The following ANO10 variants were observed in gnomAD, a reference collection of about 807,000 sequenced individuals.
The protein encoded by ANO10 is anoctamin-10.
A neutral mutation model predicts 74.7 loss-of-function variants in ANO10; 77 were observed. The observed-to-expected ratio is 1.03, with a 90% confidence interval of 0.86 to 1.25. The LOEUF is 1.25. Ranked by LOEUF, ANO10 falls within the 50% of genes most tolerant of loss-of-function variation. The pLI, the probability that ANO10 is intolerant of heterozygous loss-of-function variation, is 0.00. For synonymous variants in ANO10, 279 were observed against 284.9 expected, an observed-to-expected ratio of 0.98 and a Z score of 0.21; for missense variants, 721 against 778.1, an observed-to-expected ratio of 0.93 and a Z score of 0.87.
chr3:43,484,078 G>A (rs1575223774), intron 11 of ANO10, among the ~76,000 whole-genome samples: 1 of 152,112 alleles, frequency 6.6e-6, no homozygotes, highest in Non-Finnish European at 1.5e-5. Context: ...TAGGGCTGCA[G>A]GCACACACCA....
chr3:43,629,723 A>G (rs2083527870), intron 1 of ANO10, among the ~76,000 whole-genome samples: 2 of 152,248 alleles, frequency 1.3e-5, no homozygotes, highest in East Asian at 1.9e-4. Context: ...AGAGGAGTCA[A>G]TTGATAACTG....
chr3:43,677,892 G>A (rs1288487534), intron 1 of ANO10, among the ~76,000 whole-genome samples: 3 of 152,198 alleles, frequency 2.0e-5, no homozygotes, highest in Non-Finnish European at 4.4e-5. Context: ...CATCACTTCT[G>A]CCACATGCTT....
At chr3:43,663,806 T>G (rs2083954707) in intron 1 of ANO10, among the ~76,000 whole-genome samples, 1 of 152,132 alleles carries the variant, frequency 6.6e-6, no homozygotes, top group African/African-American at 2.4e-5. Flanking sequence ...ATAAAATACC[T>G]AAGAATACAA....
chr3:43,635,066 AGGAG>A (rs1314302065), intron 1 of ANO10, among the ~76,000 whole-genome samples: 6 of 152,130 alleles, frequency 3.9e-5, no homozygotes, highest in Admixed American at 6.5e-5. Context: ...TGATGAGGAA[AGGAG>A]GGAGGGAGGG....
intron 1 of ANO10, among the ~76,000 whole-genome samples, chr3:43,681,491 C>T (rs1460881247): frequency 4.9e-5 from 2 of 40,934 alleles, no homozygotes; most frequent in Non-Finnish European, 5.4e-5. Context: ...GAGACTTTTA[C>T]ACCCACCGTC....
At chr3:43,604,746 T>C (rs549222893) in intron 2 of ANO10, among the ~76,000 whole-genome samples, 111 of 152,270 alleles carry the variant, frequency 7.3e-4, no homozygotes, top group Admixed American at 2.7e-3. Context: ...AGCAAAAAGA[T>C]GGCTGGGAAT....
intron 12 of ANO10, among the ~76,000 whole-genome samples, chr3:43,389,636 T>C (rs559229825): frequency 6.6e-6 from 1 of 152,322 alleles, no homozygotes; most frequent in South Asian, 2.1e-4. Context: ...TCCAGATAAG[T>C]ATGTAGCAAA....
intron 11 of ANO10, among the ~76,000 whole-genome samples, chr3:43,478,318 C>T (rs1337847254): frequency 6.6e-6 from 1 of 152,206 alleles, no homozygotes; most frequent in Non-Finnish European, 1.5e-5. Context: ...CAGCAGCCAT[C>T]TATTATGACC....
chr3:43,541,073 T>A (rs189668245), intron 11 of ANO10, among the ~76,000 whole-genome samples: 5 of 152,142 alleles, frequency 3.3e-5, no homozygotes, highest in African/African-American at 1.2e-4. Flanking sequence ...CCCAGTTCCA[T>A]AATTCTATTC....
chr3:43,527,827 T>C (rs1287855367), intron 11 of ANO10, among the ~76,000 whole-genome samples: 1 of 152,128 alleles, frequency 6.6e-6, no homozygotes, highest in Non-Finnish European at 1.5e-5. Context: ...TGTGAACTGC[T>C]AGATCAGAGA....
intron 12 of ANO10, among the ~76,000 whole-genome samples, chr3:43,419,578 T>C (rs1261379322): frequency 1.3e-5 from 2 of 151,440 alleles, no homozygotes; most frequent in Non-Finnish European, 1.5e-5. Flanking sequence ...GGCTGGAGTG[T>C]GATCTTGGCT....
chr3:43,615,251 T>G (rs2083038072), intron 1 of ANO10, among the ~76,000 whole-genome samples: 1 of 152,062 alleles, frequency 6.6e-6, no homozygotes, highest in East Asian at 1.9e-4. Flanking sequence ...GTGAAAGAGA[T>G]TAAATAGACT....
intron 11 of ANO10, among the ~76,000 whole-genome samples, chr3:43,526,096 C>T (rs185215279): frequency 7.4e-4 from 112 of 152,238 alleles, no homozygotes; most frequent in Non-Finnish European, 1.1e-3. Flanking sequence ...AATAAAAGCA[C>T]TTGAATGATG....
intron 1 of ANO10, among the ~76,000 whole-genome samples, chr3:43,616,357 T>C (rs115066334): frequency 0.033 from 5,002 of 152,276 alleles, 111 homozygotes; most frequent in Non-Finnish European, 0.049. Context: ...AAGACAACCT[T>C]TTGTTTTTTT....
In ANO10 at chr3:43,549,827, C is replaced by G; in HGVS notation, c.1690G>C (p.Val564Leu). The G allele has an allele frequency of 6.2e-7, 1 of 1,613,936 alleles. No individual in the cohort carries two copies. Among genetic ancestry groups the G allele is most frequent in the Non-Finnish European group, 8.5e-7 (1 of 1,179,878 alleles). ...GCACAGTTAGTGACCACAGATATAA[C>G]ACTCATCGTTTCAAAAGCCAACTAA... ...VWQLAFETMSVISVVTNCALI... is the reference protein window; with the variant it reads ...VWQLAFETMSLISVVTNCALI... Residue 564 changes from valine (V) to leucine (L), a missense_variant, in exon 11 of 13, where the codon GTT becomes CTT. By Grantham distance (32) the Val-to-Leu change is conservative. Transcript: ENST00000292246.
intron 1 of ANO10, among the ~76,000 whole-genome samples, chr3:43,628,172 G>A (rs967750938): frequency 1.2e-4 from 18 of 152,180 alleles, no homozygotes; most frequent in African/African-American, 2.9e-4. Flanking sequence ...GAGGTGTTGC[G>A]GGAAGTCAGG....
chr3:43,669,802 C>A (rs763292859), intron 1 of ANO10, among the ~76,000 whole-genome samples: 11 of 152,048 alleles, frequency 7.2e-5, no homozygotes, highest in Admixed American at 6.5e-5. Flanking sequence ...TCTCGGCTCA[C>A]TTCCACCTCC....
intron 1 of ANO10, 134 bp from the exon 2 acceptor site, chr3:43,605,997 T>C (rs914984070): frequency 2.2e-6 from 2 of 929,738 alleles, no homozygotes; most frequent in Admixed American, 4.3e-5. Context: ...GTGATTCAGA[T>C]GGGTTATATG....
At chr3:43,617,015 A>G (rs868662667) in intron 1 of ANO10, among the ~76,000 whole-genome samples, 6 of 151,234 alleles carry the variant, frequency 4.0e-5, no homozygotes, top group Non-Finnish European at 1.5e-5. Flanking sequence ...TCTCTTCTCT[A>G]ATTAGCTGGC....
Sources: allele counts gnomAD v4.1 joint callset (sites outside exome capture counted in the v4.1 genomes callset), GRCh38; gene constraint gnomAD v4.1.1; transcripts MANE v1.5; gene names NCBI Gene and HGNC (gene_info 2026-07-23, HGNC 2026-07-21).